The following FKBP5 variants were observed in gnomAD, a reference collection of about 807,000 sequenced individuals.
FKBP5 encodes the protein peptidyl-prolyl cis-trans isomerase FKBP5.
Under a neutral mutation model 50.5 loss-of-function variants are expected in FKBP5, and 23 were observed. That is an observed-to-expected ratio of 0.46 (90% CI 0.33 to 0.65). The LOEUF (loss-of-function observed/expected upper bound fraction) is 0.65. Among genes scored for constraint, FKBP5 ranks in the 30% least tolerant of loss-of-function variants. The pLI is 0.02. For missense variants in FKBP5, 411 were observed against 553.1 expected (o/e 0.74, Z 2.58); for synonymous variants, 176 against 190.6 (o/e 0.92, Z 0.63).
chr6:35,582,371 A>C (rs1762459825), intron 8 of FKBP5: 5 of 858,148 alleles, frequency 5.8e-6, no homozygotes, highest in Non-Finnish European at 7.0e-6. Context: ...ATATTTGCAG[A>C]TGGAGCATTT....
chr6:35,683,267 T>C (rs1392779441), intron 1 of FKBP5, among the ~76,000 whole-genome samples: 1 of 150,802 alleles, frequency 6.6e-6, no homozygotes, highest in Non-Finnish European at 1.5e-5. Flanking sequence ...ATTCTCTTGC[T>C]TCACCCTTCC....
intron 2 of FKBP5, among the ~76,000 whole-genome samples, chr6:35,718,282 C>T (rs1766548367): frequency 6.6e-6 from 1 of 152,216 alleles, no homozygotes; most frequent in Non-Finnish European, 1.5e-5. Flanking sequence ...GCCAGAGGTC[C>T]TCTGCAAGCT....
intron 2 of FKBP5, among the ~76,000 whole-genome samples, chr6:35,714,418 C>A: frequency 7.5e-6 from 1 of 132,504 alleles, no homozygotes; most frequent in Non-Finnish European, 1.6e-5. Flanking sequence ...AGACATTGCA[C>A]TTCAGCCTGG....
rs968998495 is a variant in FKBP5, at chr6:35,597,097, T to G, written c.665+151A>C. 3 of 802,572 alleles carry G rather than the reference T, an allele frequency of 3.7e-6. No individual in the cohort carries two copies. In the Admixed American group the frequency reaches 7.0e-5, roughly 19 times the overall value. 49.7% of individuals were successfully genotyped at this position (802,572 alleles called of 1,614,324 possible). ...AACCTCTATGATATTGTAAGGCCCA[T>G]TAATTTACGTGATGACTAACTGCAG... On this transcript the variant is annotated intron_variant, in intron 6 of 10. Transcript: ENST00000357266.
intron 5 of FKBP5, among the ~76,000 whole-genome samples, chr6:35,605,219 C>G (rs981642730): frequency 6.6e-6 from 1 of 151,030 alleles, no homozygotes; most frequent in Non-Finnish European, 1.5e-5. Flanking sequence ...AAAGTCTGAA[C>G]AAATCATTTA....
intron 7 of FKBP5, among the ~76,000 whole-genome samples, chr6:35,589,128 A>ATATATT (rs1427010607): frequency 0.021 from 2,581 of 121,464 alleles, 117 homozygotes; most frequent in African/African-American, 0.077. Context: ...ATATATATAT[A>ATATATT]TTTTTTTTTT....
At position 35,587,118 on chromosome 6, in the gene FKBP5, CTG is replaced by C; in HGVS notation, c.757-3_757-2del. On this transcript the variant is annotated splice_acceptor_variant and splice_polypyrimidine_tract_variant and intron_variant, in intron 7 of 10. Transcript: ENST00000357266. LOFTEE classifies it high-confidence loss of function. ...TATCCATCTCCCAGGATTCTTTGGCCTGTGTGTAAATTTGTGACAATGGTTAG... is the reference window on the plus strand; with the variant it reads ...TATCCATCTCCCAGGATTCTTTGGCCTGTGTAAATTTGTGACAATGGTTAG... 6.2e-7 allele frequency: 1 copy of C among 1,613,828 alleles called. No homozygotes were observed. The highest frequency in any genetic ancestry group is 8.5e-7 in the Non-Finnish European group (1 of 1,179,808).
chr6:35,670,501 A>T (rs971821215), intron 1 of FKBP5, among the ~76,000 whole-genome samples: 1 of 152,118 alleles, frequency 6.6e-6, no homozygotes, highest in Admixed American at 6.6e-5. Context: ...TGGGAGGCTG[A>T]GGCGGGTGGA....
chr6:35,722,893 G>T (rs1766638122), intron 1 of FKBP5, among the ~76,000 whole-genome samples: 1 of 152,246 alleles, frequency 6.6e-6, no homozygotes, highest in African/African-American at 2.4e-5. Flanking sequence ...TGTGTCCCCA[G>T]TTTGTAGCAC....
At chr6:35,649,436 T>TA (rs1245467892) in intron 1 of FKBP5, among the ~76,000 whole-genome samples, 7 of 151,262 alleles carry the variant, frequency 4.6e-5, no homozygotes, top group Non-Finnish European at 8.8e-5. Flanking sequence ...CTAAAAGGTT[T>TA]TTTTTTTTTA....
chr6:35,702,055 C>G lies in FKBP5; in HGVS notation c.-20+18273G>C, dbSNP rs551323284. 2.6e-5 allele frequency among the ~76,000 whole-genome samples: 4 copies of G among 152,162 alleles called. No homozygotes were observed. The East Asian group carries it at 7.7e-4, about 29-fold the overall frequency. ...TAGAGATGGGGTTTCACCTTGTTGG[C>G]CTGGCTGGTCTGGAACTCCTGACCT... On this transcript the variant is annotated intron_variant, in intron 2 of 11. Transcript: ENST00000536438.
chr6:35,620,139 AAG>A lies in FKBP5; in HGVS notation c.384_385del (p.Phe130Ter). On this transcript the variant is annotated frameshift_variant, in exon 4 of 11. Transcript: ENST00000357266. LOFTEE classifies it high-confidence loss of function. ...CATCACACACATACTTGCCTCAAAA[AAG>A]AGAGTTGCATTCGAGGGAATTTTAG... 1 of 1,614,142 alleles carries A rather than the reference AAG, an allele frequency of 6.2e-7. No individual in the cohort carries two copies. Among genetic ancestry groups the A allele is most frequent in the Non-Finnish European group, 8.5e-7 (1 of 1,180,022 alleles).
chr6:35,596,952 TGA>T (rs1247939573), intron 6 of FKBP5, among the ~76,000 whole-genome samples: 1 of 152,102 alleles, frequency 6.6e-6, no homozygotes, highest in African/African-American at 2.4e-5. Flanking sequence ...GAACCACATA[TGA>T]GAGGGGTCCA....
chr6:35,583,339 A>G, intron 8 of FKBP5: 1 of 985,388 alleles, frequency 1.0e-6, no homozygotes, highest in Non-Finnish European at 1.2e-6. Flanking sequence ...CTAGATCTTA[A>G]CATTTCAATA....
chr6:35,587,612 TATACTA>T (rs1762642315), intron 7 of FKBP5, among the ~76,000 whole-genome samples: 1 of 152,238 alleles, frequency 6.6e-6, no homozygotes, highest in East Asian at 1.9e-4. Context: ...AACAACCAGA[TATACTA>T]ATAATACTGC....
At chr6:35,675,252 T>TGG (rs1345036939) in intron 1 of FKBP5, among the ~76,000 whole-genome samples, 1 of 152,264 alleles carries the variant, frequency 6.6e-6, no homozygotes, top group Non-Finnish European at 1.5e-5. Flanking sequence ...TACACGAGTC[T>TGG]ATACCATACT....
chr6:35,591,628 C>T (rs1373368110), intron 6 of FKBP5, among the ~76,000 whole-genome samples: 2 of 151,996 alleles, frequency 1.3e-5, no homozygotes, highest in South Asian at 2.1e-4. Flanking sequence ...GACACAGCCA[C>T]TGTAATTGTT....
intron 9 of FKBP5, 119 bp from the exon 10 acceptor site, chr6:35,577,352 A>C: frequency 1.2e-6 from 1 of 868,162 alleles, no homozygotes; most frequent in Non-Finnish European, 1.8e-6. Context: ...ATGGGGCTCA[A>C]GATAATTACA....
In FKBP5 at chr6:35,580,084, G is replaced by A; in HGVS notation, c.978C>T (p.Cys326=). Residue 326 remains cysteine, a synonymous_variant, in exon 9 of 11, where the codon TGC becomes TGT. Coordinates refer to ENST00000357266, the MANE Select transcript of FKBP5 (RefSeq NM_004117.4). ...LLAAFLNLAM[C]YLKLREYTKA... The stretch of plus-strand genomic sequence containing the variant: ...TGGTGTATTCTCTAAGCTTCAGGTA[G>A]CACATGGCCAGGTTCAGAAAGGCAG... 6.2e-7 allele frequency: 1 copy of A among 1,614,164 alleles called. No homozygotes were observed. Among genetic ancestry groups the A allele is most frequent in the Non-Finnish European group, 8.5e-7 (1 of 1,179,998 alleles).
Sources: gnomAD v4.1 joint callset for allele counts (sites outside exome capture counted in the v4.1 genomes callset) on GRCh38, gnomAD v4.1.1 for gene constraint, MANE v1.5 for transcripts, NCBI Gene and HGNC (gene_info 2026-07-23, HGNC 2026-07-21) for gene names.